Variants in CNOT6L observed in about 807,000 individuals in gnomAD.
CNOT6L encodes CCR4-NOT transcription complex subunit 6 like, also known as CCR4-NOT transcription complex subunit 6-like.
In CNOT6L, 7 loss-of-function variants were observed where a neutral mutation model predicts 64.0. The ratio of observed to expected loss-of-function variants is 0.11; its 90% CI spans 0.06 to 0.21. The LOEUF is 0.21. Among genes scored for constraint, CNOT6L ranks in the 10% least tolerant of loss-of-function variants. The pLI, the probability that CNOT6L is intolerant of heterozygous loss-of-function variation, is 1.00. For missense variants in CNOT6L, 245 were observed against 669.0 expected, an observed-to-expected ratio of 0.37 and a Z score of 6.99; for synonymous variants, 193 against 243.4, an observed-to-expected ratio of 0.79 and a Z score of 1.93.
chr4:77,755,063 T>G (rs1352263053), intron 5 of CNOT6L, among the ~76,000 whole-genome samples: 1 of 150,990 alleles, frequency 6.6e-6, no homozygotes, highest in Non-Finnish European at 1.5e-5. Context: ...AAAAGACAAA[T>G]TAAGAGAACG....
At chr4:77,798,879 A>G (rs1298738733) in intron 1 of CNOT6L, among the ~76,000 whole-genome samples, 2 of 151,550 alleles carry the variant, frequency 1.3e-5, no homozygotes, top group African/African-American at 4.8e-5. Context: ...CTACTAAGGC[A>G]GCCGAGGTAG....
chr4:77,773,806 CATAG>C (rs1276052494), intron 3 of CNOT6L, among the ~76,000 whole-genome samples: 12 of 151,702 alleles, frequency 7.9e-5, no homozygotes, highest in African/African-American at 2.9e-4. Context: ...TAAAATAAAG[CATAG>C]ATAGTACAGA....
At chr4:77,800,002 A>C (rs966969706) in intron 1 of CNOT6L, among the ~76,000 whole-genome samples, 2 of 152,034 alleles carry the variant, frequency 1.3e-5, no homozygotes, top group Non-Finnish European at 2.9e-5. Context: ...ATTTTTTCAC[A>C]AATTTAATAT....
chr4:77,811,591 AAG>A (rs1271409804), intron 1 of CNOT6L, among the ~76,000 whole-genome samples: 1 of 152,096 alleles, frequency 6.6e-6, no homozygotes, highest in Non-Finnish European at 1.5e-5. Context: ...GAGAGGGAAA[AAG>A]AGGAAAATCT....
At chr4:77,785,537 A>G (rs1294942862) in intron 1 of CNOT6L, among the ~76,000 whole-genome samples, 1 of 152,184 alleles carries the variant, frequency 6.6e-6, no homozygotes, top group Non-Finnish European at 1.5e-5. Context: ...AACACTCCAG[A>G]ATATATAAAG....
intron 5 of CNOT6L, among the ~76,000 whole-genome samples, chr4:77,749,763 C>T (rs79823830): frequency 0.05 from 7,671 of 152,202 alleles, 234 homozygotes; most frequent in African/African-American, 0.084. Flanking sequence ...ACATCCAGGA[C>T]TGGTGATGGC....
intron 5 of CNOT6L, among the ~76,000 whole-genome samples, chr4:77,750,866 G>A (rs76551328): frequency 0.046 from 7,027 of 152,258 alleles, 217 homozygotes; most frequent in Middle Eastern, 0.15. Flanking sequence ...CTACAGTGCA[G>A]GTGTCAGCTG....
At chr4:77,810,271 A>G (rs1367091702) in intron 1 of CNOT6L, among the ~76,000 whole-genome samples, 1 of 152,156 alleles carries the variant, frequency 6.6e-6, no homozygotes, top group Admixed American at 6.5e-5. Context: ...AAAAGTAAAC[A>G]AAGGGTAATC....
At chr4:77,809,017 T>C (rs1732595429) in intron 1 of CNOT6L, among the ~76,000 whole-genome samples, 1 of 152,202 alleles carries the variant, frequency 6.6e-6, no homozygotes, top group Admixed American at 6.5e-5. Flanking sequence ...GGTTTTTTAC[T>C]ACAGATGTGC....
In CNOT6L at chr4:77,719,121, C is replaced by G. The variant is rs972484669; in HGVS notation, c.*1310G>C. On this transcript the variant is annotated 3_prime_UTR_variant, in exon 12 of 12. Coordinates refer to ENST00000504123, the MANE Select transcript of CNOT6L (RefSeq NM_144571.3). ...CTGTGCCATAATTAACATCAAGTAG[C>G]CAACCAATTTTTCCCCAGAAAACAG... The G allele has an allele frequency of 3.9e-5, 6 of 152,548 alleles. No individual in the cohort carries two copies. The highest frequency in any genetic ancestry group is 7.3e-5 in the Non-Finnish European group (5 of 68,030). The allele number at this position is 152,548 out of a possible 1,614,324, so 9.4% of individuals were successfully genotyped here.
chr4:77,751,153 T>C (rs544162104), intron 5 of CNOT6L, among the ~76,000 whole-genome samples: 1 of 152,042 alleles, frequency 6.6e-6, no homozygotes, highest in African/African-American at 2.4e-5. Context: ...ATTACAAATA[T>C]CCCTGAAAAG....
chr4:77,716,386 G>A lies in CNOT6L; in HGVS notation c.*4045C>T, dbSNP rs1720749679. The A allele has an allele frequency of 2.0e-5, 3 of 152,044 alleles. No homozygotes were observed. Among genetic ancestry groups the A allele is most frequent in the Admixed American group, 2.0e-4 (3 of 15,222 alleles). The allele number at this position is 152,044 out of a possible 1,614,324, so 9.4% of individuals were successfully genotyped here. On this transcript the variant is annotated 3_prime_UTR_variant, in exon 12 of 12. Transcript: ENST00000504123. ...ATTAGAAAATCTAGCCATGTATTAG[G>A]AATGACATAATGATGTGGTTATATG...
chr4:77,806,555 C>G (rs111358160), intron 1 of CNOT6L, among the ~76,000 whole-genome samples: 9,720 of 152,112 alleles, frequency 0.064, 465 homozygotes, highest in African/African-American at 0.13. Context: ...ATCTATTAAT[C>G]AAAACAATTG....
intron 9 of CNOT6L, among the ~76,000 whole-genome samples, chr4:77,730,877 A>C (rs1722376250): frequency 6.6e-6 from 1 of 152,110 alleles, no homozygotes; most frequent in Non-Finnish European, 1.5e-5. Flanking sequence ...GTACATAATG[A>C]GTTTCTGACT....
chr4:77,720,675 A>C, intron 11 of CNOT6L, 32 bp from the exon 12 acceptor site: 3 of 1,605,712 alleles, frequency 1.9e-6, no homozygotes, highest in South Asian at 2.2e-5. Flanking sequence ...GAAAAAAAGA[A>C]AAATTCAAGA....
intron 1 of CNOT6L, among the ~76,000 whole-genome samples, chr4:77,802,107 A>T (rs1000968250): frequency 2.0e-5 from 3 of 152,222 alleles, no homozygotes; most frequent in Non-Finnish European, 4.4e-5. Context: ...GCTACTAAGA[A>T]GATTCCAATG....
At chr4:77,787,589 C>T (rs1211492687) in intron 1 of CNOT6L, among the ~76,000 whole-genome samples, 1 of 152,190 alleles carries the variant, frequency 6.6e-6, no homozygotes, top group African/African-American at 2.4e-5. Context: ...TGAAGAGATT[C>T]ATTCAGTTAG....
intron 10 of CNOT6L, among the ~76,000 whole-genome samples, chr4:77,726,961 C>G (rs990043280): frequency 6.6e-6 from 1 of 152,110 alleles, no homozygotes; most frequent in Non-Finnish European, 1.5e-5. Flanking sequence ...GCTAAAAATA[C>G]AAGGCTGAAG....
intron 4 of CNOT6L, among the ~76,000 whole-genome samples, chr4:77,770,066 A>G (rs1439962321): frequency 6.6e-6 from 1 of 152,148 alleles, no homozygotes; most frequent in Non-Finnish European, 1.5e-5. Context: ...AACTTACTAG[A>G]CTGGCGGTGT....
Sources: allele counts gnomAD v4.1 joint callset (sites outside exome capture counted in the v4.1 genomes callset), GRCh38; gene constraint gnomAD v4.1.1; transcripts MANE v1.5; gene names NCBI Gene and HGNC (gene_info 2026-07-23, HGNC 2026-07-21).